FAM107A: variants seen among roughly 807,000 people sequenced by gnomAD.
FAM107A encodes family with sequence similarity 107 member A, also known as actin-associated protein FAM107A.
FAM107A carries 19 observed loss-of-function variants against 13.7 expected under a neutral mutation model. That is an observed-to-expected ratio of 1.38 (90% CI 0.97 to 2.03). The LOEUF is 2.03. FAM107A is among the 30% of genes most tolerant of loss of function. The pLI, the probability that FAM107A is intolerant of heterozygous loss-of-function variation, is 0.00. For synonymous variants in FAM107A, 82 were observed against 74.5 expected, an observed-to-expected ratio of 1.10 and a Z score of -0.52; for missense variants, 203 against 184.4, an observed-to-expected ratio of 1.10 and a Z score of -0.58.
In FAM107A at chr3:58,569,546, G is replaced by A. The variant is rs781769510; in HGVS notation, c.170+145C>T. 61 of 686,166 alleles carry A rather than the reference G, an allele frequency of 8.9e-5. No individual in the cohort carries two copies. Among genetic ancestry groups the A allele is most frequent in the African/African-American group, 2.0e-4 (11 of 55,790 alleles). 42.5% of individuals were successfully genotyped at this position (686,166 alleles called of 1,614,324 possible). A position where few individuals can be genotyped will look rare whatever the true frequency, so the allele number is the denominator to read the frequency against. On this transcript the variant is annotated intron_variant, in intron 2 of 3. Coordinates refer to ENST00000360997, the MANE Select transcript of FAM107A (RefSeq NM_001076778.3). The surrounding 1 kb of genome is among the most constrained non-coding windows in gnomAD (Gnocchi z 5.7). ...GGACAGGGTCTTTACAGGTTTTGCC[G>A]GTGATCATGTGGGGCACCTCAGCCT... is the stretch of plus-strand genomic sequence containing the variant.
chr3:58,568,079 G>A (rs2063640993), intron 2 of FAM107A, among the ~76,000 whole-genome samples: 1 of 151,790 alleles, frequency 6.6e-6, no homozygotes, highest in Admixed American at 6.6e-5. Flanking sequence ...TGGGATTACA[G>A]GTGTGAGCCA....
intron 1 of FAM107A, chr3:58,607,852 G>A (rs568993473): frequency 6.6e-6 from 1 of 152,306 alleles, no homozygotes; most frequent in South Asian, 2.1e-4. Context: ...GAATGAGCAC[G>A]GAAGTGAACT....
intron 1 of FAM107A, among the ~76,000 whole-genome samples, chr3:58,608,451 C>T (rs2065819115): frequency 2.6e-5 from 4 of 152,224 alleles, no homozygotes; most frequent in Admixed American, 2.6e-4. Flanking sequence ...CCCAGAACAA[C>T]TCCTTCCTTA....
chr3:58,599,696 ATTTTTTTTTTTTTTTTT>A lies in FAM107A; in HGVS notation c.-69-10444_-69-10428del, dbSNP rs57244654. Reference sequence around the variant, plus strand: ...GTGGTATACTTAAAACAAGTGCACCATTTTTTTTTTTTTTTTTTTTTTTTTTTTTTTTTTTTTTTGAG... The same window carrying A: ...GTGGTATACTTAAAACAAGTGCACCATTTTTTTTTTTTTTTTTTTTTTGAG... On this transcript the variant is annotated intron_variant, in intron 1 of 3. Transcript: ENST00000465970. Among the ~76,000 whole-genome samples the A allele has an allele frequency of 5.7e-3, 447 of 78,560 alleles. 2 individuals carry two copies. The highest frequency in any genetic ancestry group is 7.9e-3 in the Middle Eastern group (1 of 126). The allele number at this position is 78,560 out of a possible 152,430, so 51.5% of individuals were successfully genotyped here. A position where few individuals can be genotyped will look rare whatever the true frequency, so the allele number is the denominator to read the frequency against.
chr3:58,583,448 C>T (rs1219301825), intron 1 of FAM107A, among the ~76,000 whole-genome samples: 5 of 152,022 alleles, frequency 3.3e-5, no homozygotes, highest in Non-Finnish European at 7.4e-5. Flanking sequence ...CATGGTGAAA[C>T]CCTGTCTCTA....
rs2065770062 is a variant in FAM107A, at chr3:58,603,614, A to G, written c.-69-14345T>C. On this transcript the variant is annotated intron_variant, in intron 1 of 3. Transcript: ENST00000465970. ...GATGGCACTGCAGCATCATCCCCCCATAGGCAAGGGGGCTGGGCTTTTGTA... is the reference window on the plus strand; with the variant it reads ...GATGGCACTGCAGCATCATCCCCCCGTAGGCAAGGGGGCTGGGCTTTTGTA... Among the ~76,000 whole-genome samples the G allele has an allele frequency of 2.0e-5, 3 of 152,234 alleles. No homozygotes were observed. The South Asian group carries it at 6.2e-4, about 32-fold the overall frequency.
At chr3:58,567,071 A>T in intron 3 of FAM107A, 137 bp downstream of exon 3, 1 of 1,096,540 alleles carries the variant, frequency 9.1e-7, no homozygotes, top group Non-Finnish European at 1.4e-6. Flanking sequence ...GGGAGGACTC[A>T]GGCCAGGAGT....
upstream of FAM107A, among the ~76,000 whole-genome samples, chr3:58,582,604 C>G (rs908360732): frequency 6.6e-6 from 1 of 152,210 alleles, no homozygotes; most frequent in Non-Finnish European, 1.5e-5. Context: ...CAACCCGGAC[C>G]ACAATCCTGA....
Position 58,623,671 on chromosome 3 carries a change from G to C in FAM107A, c.-70+3745C>G, listed in dbSNP as rs147066365. Among the ~76,000 whole-genome samples, 393 of 152,338 alleles carry C rather than the reference G, an allele frequency of 2.6e-3. 1 individual carries two copies. Among genetic ancestry groups the C allele is most frequent in the African/African-American group, 8.8e-3 (366 of 41,568 alleles). On this transcript the variant is annotated intron_variant, in intron 1 of 3. Coordinates refer to the FAM107A transcript ENST00000465970. The stretch of plus-strand genomic sequence containing the variant: ...AGAAGCGCCGGCAGTGGGGTTTGCT[G>C]TTTGAGAGGCCAGGCTCTTAGGGCA...
chr3:58,603,149 ACT>A (rs1287786291), intron 1 of FAM107A, among the ~76,000 whole-genome samples: 2 of 152,110 alleles, frequency 1.3e-5, no homozygotes, highest in African/African-American at 4.8e-5. Context: ...GAAGTTGATA[ACT>A]CTGCCTCAAC....
intron 1 of FAM107A, among the ~76,000 whole-genome samples, chr3:58,622,789 G>T (rs2065969029): frequency 6.6e-6 from 1 of 152,022 alleles, no homozygotes; most frequent in African/African-American, 2.4e-5. Flanking sequence ...TGCCTTTGTT[G>T]GGGGGGATAT....
At chr3:58,616,602 C>T (rs2065904092) in intron 1 of FAM107A, among the ~76,000 whole-genome samples, 1 of 151,602 alleles carries the variant, frequency 6.6e-6, no homozygotes, top group Non-Finnish European at 1.5e-5. Context: ...TCACCACCAC[C>T]ACCACGTGAT....
At chr3:58,606,065 C>T (rs1474827544) in intron 1 of FAM107A, among the ~76,000 whole-genome samples, 1 of 152,126 alleles carries the variant, frequency 6.6e-6, no homozygotes, top group African/African-American at 2.4e-5. Flanking sequence ...GAGGTCATTG[C>T]TCTTTGCATG....
chr3:58,612,287 A>G (rs2108078688), intron 1 of FAM107A, among the ~76,000 whole-genome samples: 1 of 152,192 alleles, frequency 6.6e-6, no homozygotes, highest in East Asian at 1.9e-4. Flanking sequence ...GTACCCATGA[A>G]AAATGTCTTG....
At chr3:58,590,401 G>T (rs1346619377), upstream of FAM107A, among the ~76,000 whole-genome samples, 1 of 152,158 alleles carries the variant, frequency 6.6e-6, no homozygotes, top group African/African-American at 2.4e-5. Context: ...CTTCTCCCAG[G>T]CCTCCATGCC....
intron 1 of FAM107A, among the ~76,000 whole-genome samples, chr3:58,615,385 G>T (rs2065892256): frequency 6.6e-6 from 1 of 151,500 alleles, no homozygotes; most frequent in Non-Finnish European, 1.5e-5. Context: ...TTCTTCTTAA[G>T]GACCATTTTA....
exon 1 of FAM107A, chr3:58,586,878 C>G (rs1388247014): frequency 2.7e-5 from 41 of 1,533,286 alleles, no homozygotes; most frequent in Non-Finnish European, 3.5e-5. Context: ...CAGCACAGCC[C>G]GGTAGAGCCC....
At chr3:58,577,642 C>T (rs2063742057), upstream of FAM107A, 4 of 985,308 alleles carry the variant, frequency 4.1e-6, no homozygotes, top group Non-Finnish European at 4.8e-6. This position sits in a 1 kb window ranked among gnomAD's most constrained non-coding sequence, Gnocchi z 4.9. Context: ...AGAAACACGC[C>T]AAGCTTTGTT....
rs564502825 is a variant in FAM107A, at chr3:58,566,482, C to T, written c.*106G>A. 1.0e-4 allele frequency: 80 copies of T among 794,614 alleles called. No homozygotes were observed. In the East Asian group the frequency reaches 1.6e-3, roughly 15 times the overall value. The allele number at this position is 794,614 out of a possible 1,614,324, so 49.2% of individuals were successfully genotyped here. On this transcript the variant is annotated 3_prime_UTR_variant, in exon 4 of 4. Coordinates refer to ENST00000360997, the MANE Select transcript of FAM107A (RefSeq NM_001076778.3). ...ACATTTCTACAGAAGCAGGTGGGAACATCACAGACGTCCCAGGGCCTGGGG... is the reference window on the plus strand; with the variant it reads ...ACATTTCTACAGAAGCAGGTGGGAATATCACAGACGTCCCAGGGCCTGGGG...
Sources: gnomAD v4.1 joint callset for allele counts (sites outside exome capture counted in the v4.1 genomes callset) on GRCh38, gnomAD v4.1.1 for gene constraint, Gnocchi (gnomAD v3.1) non-coding constraint, MANE v1.5 for transcripts, NCBI Gene and HGNC (gene_info 2026-07-23, HGNC 2026-07-21) for gene names.